ASXL2: variants seen among roughly 807,000 people sequenced by gnomAD.
ASXL2 encodes the protein putative Polycomb group protein ASXL2.
In ASXL2, 23 loss-of-function variants were observed where a neutral mutation model predicts 122.0. That is an observed-to-expected ratio of 0.19 (90% CI 0.14 to 0.27). The LOEUF is 0.27. ASXL2 is among the 10% of genes least tolerant of loss of function. ASXL2 has a pLI of 1.00. For synonymous variants in ASXL2, 650 were observed against 637.0 expected, an observed-to-expected ratio of 1.02 and a Z score of -0.31; for missense variants, 1,518 against 1,713.8, an observed-to-expected ratio of 0.89 and a Z score of 2.02.
At chr2:25,843,878 G>T in intron 2 of ASXL2, among the ~76,000 whole-genome samples, 1 of 150,470 alleles carries the variant, frequency 6.6e-6, no homozygotes, top group Non-Finnish European at 1.5e-5. Context: ...TCTAGAACAT[G>T]CAATGGCTAT....
At chr2:25,776,474 G>A (rs766744698) in intron 5 of ASXL2, among the ~76,000 whole-genome samples, 1 of 152,172 alleles carries the variant, frequency 6.6e-6, no homozygotes, top group Non-Finnish European at 1.5e-5. Flanking sequence ...ACATTTGTGT[G>A]CAGATGTTTT....
At chr2:25,868,525 C>G (rs1302474724) in intron 1 of ASXL2, among the ~76,000 whole-genome samples, 5 of 152,186 alleles carry the variant, frequency 3.3e-5, no homozygotes, top group African/African-American at 4.8e-5. Flanking sequence ...TACCGTTAAC[C>G]AATTTTAGTT....
chr2:25,819,704 A>C (rs549474601), intron 3 of ASXL2, among the ~76,000 whole-genome samples: 2 of 152,366 alleles, frequency 1.3e-5, no homozygotes, highest in Non-Finnish European at 2.9e-5. Context: ...ATTAAAGAAG[A>C]GTAAAGATAC....
chr2:25,748,226 C>T (rs183683848), intron 12 of ASXL2, among the ~76,000 whole-genome samples: 33 of 151,132 alleles, frequency 2.2e-4, no homozygotes, highest in African/African-American at 7.5e-4. Flanking sequence ...GAAGTACAGA[C>T]GGTGGCCCAC....
intron 3 of ASXL2, among the ~76,000 whole-genome samples, chr2:25,827,217 T>C (rs1267003753): frequency 6.6e-6 from 1 of 152,096 alleles, no homozygotes; most frequent in African/African-American, 2.4e-5. Flanking sequence ...CACTTAGACA[T>C]ATATCTGTAA....
chr2:25,823,721 TTTC>T (rs1214918804), intron 3 of ASXL2, among the ~76,000 whole-genome samples: 2 of 137,132 alleles, frequency 1.5e-5, no homozygotes, highest in African/African-American at 2.9e-5. Context: ...CAGTATTGGA[TTTC>T]TTTCTTTTTT....
chr2:25,744,403 G>C lies in ASXL2; in HGVS notation c.1934C>G (p.Ser645Cys), dbSNP rs1332018956. The C allele has an allele frequency of 6.2e-7, 1 of 1,613,804 alleles. No individual in the cohort carries two copies. Among genetic ancestry groups the C allele is most frequent in the South Asian group, 1.1e-5 (1 of 91,080 alleles). Residue 645 changes from serine (S) to cysteine (C), a missense_variant, in exon 13 of 13, where the codon TCC becomes TGC. Ser to Cys is a moderately radical substitution (Grantham distance 112). Around this residue, in one of 8 missense-constraint regions of ASXL2, gnomAD observed 292 missense variants for 293.5 expected, o/e 1.00. Coordinates refer to ENST00000435504, the MANE Select transcript of ASXL2 (RefSeq NM_018263.6). The surrounding 1 kb of genome is among the most constrained non-coding windows in gnomAD (Gnocchi z 4.7). Reference protein sequence around the residue: ...QVSPRARFPVSITSPNRTGAR... With the variant: ...QVSPRARFPVCITSPNRTGAR... ...TCCTGTTCTGTTAGGACTAGTGATG[G>C]AGACTGGAAAACGAGCCCTGGGAGA...
At chr2:25,829,868 C>T (rs1049454027) in intron 3 of ASXL2, among the ~76,000 whole-genome samples, 1 of 152,200 alleles carries the variant, frequency 6.6e-6, no homozygotes, top group African/African-American at 2.4e-5. Flanking sequence ...GAGACTACAA[C>T]ACCTCCCGCT....
chr2:25,741,868 T>C lies in ASXL2; in HGVS notation c.*161A>G, dbSNP rs2087832907. The C allele has an allele frequency of 1.5e-6, 1 of 684,614 alleles. No individual in the cohort carries two copies. The highest frequency in any genetic ancestry group is 3.0e-5 in the Admixed American group (1 of 33,618). 42.4% of individuals were successfully genotyped at this position (684,614 alleles called of 1,614,324 possible). On this transcript the variant is annotated 3_prime_UTR_variant, in exon 13 of 13. Transcript: ENST00000435504. ...TATACAAGGTGCTCTTCCTCTAAAA[T>C]GTAAAAAATCTGTACTTTGTATTCC... is the stretch of plus-strand genomic sequence containing the variant.
intron 2 of ASXL2, among the ~76,000 whole-genome samples, chr2:25,839,198 T>G (rs945673708): frequency 2.6e-5 from 4 of 152,258 alleles, no homozygotes; most frequent in African/African-American, 7.2e-5. Context: ...ACTGCCACAT[T>G]ATCATTGGTA....
At chr2:25,867,736 A>C (rs2089921540) in intron 1 of ASXL2, among the ~76,000 whole-genome samples, 1 of 152,192 alleles carries the variant, frequency 6.6e-6, no homozygotes, top group Non-Finnish European at 1.5e-5. Flanking sequence ...TTTGTCTTCC[A>C]TTATGCTACA....
chr2:25,766,319 T>G lies in ASXL2; in HGVS notation c.775+1264A>C, dbSNP rs562337920. Among the ~76,000 whole-genome samples the G allele has an allele frequency of 3.3e-4, 51 of 152,324 alleles. 1 individual carries two copies. The South Asian group carries it at 9.7e-3, about 29-fold the overall frequency. On this transcript the variant is annotated intron_variant, in intron 8 of 12. Coordinates refer to ENST00000435504, the MANE Select transcript of ASXL2 (RefSeq NM_018263.6). ...CTATTACACATTTTTAATCTGGAAT[T>G]CTGTGGCTTTTTATTCTAAATAATG...
intron 5 of ASXL2, among the ~76,000 whole-genome samples, chr2:25,773,976 G>A (rs2088504572): frequency 6.6e-6 from 1 of 151,996 alleles, no homozygotes; most frequent in Non-Finnish European, 1.5e-5. Flanking sequence ...GTTGCAGTAA[G>A]CTGAGATCAC....
At chr2:25,822,450 T>C in intron 3 of ASXL2, 2 of 355,672 alleles carry the variant, frequency 5.6e-6, no homozygotes, top group South Asian at 3.7e-5. Flanking sequence ...TGTTCGCCCG[T>C]CCCCCTGCCC....
At chr2:25,780,956 C>T (rs115318208) in intron 5 of ASXL2, among the ~76,000 whole-genome samples, 3,180 of 150,832 alleles carry the variant, frequency 0.021, 111 homozygotes, top group African/African-American at 0.07. Flanking sequence ...TGGTGGCGGA[C>T]GCCTGTAGTC....
At chr2:25,821,901 T>C (rs542953278) in intron 3 of ASXL2, among the ~76,000 whole-genome samples, 14 of 152,318 alleles carry the variant, frequency 9.2e-5, no homozygotes, top group African/African-American at 2.9e-4. Context: ...ATGGATTCAA[T>C]ATGGCACAAA....
At chr2:25,755,069 T>TA (rs750513421) in intron 10 of ASXL2, among the ~76,000 whole-genome samples, 8 of 152,238 alleles carry the variant, frequency 5.3e-5, no homozygotes, top group Non-Finnish European at 1.0e-4. Flanking sequence ...GTATATATTT[T>TA]AAAGTCTCTC....
chr2:25,759,241 C>A (rs2088195383), intron 9 of ASXL2, among the ~76,000 whole-genome samples: 1 of 152,178 alleles, frequency 6.6e-6, no homozygotes, highest in South Asian at 2.1e-4. Context: ...AGGTGTGAGC[C>A]ACCATGTCTG....
intron 5 of ASXL2, among the ~76,000 whole-genome samples, chr2:25,787,055 T>C (rs948208963): frequency 6.6e-6 from 1 of 151,978 alleles, no homozygotes; most frequent in Non-Finnish European, 1.5e-5. Flanking sequence ...CATAAAACTA[T>C]GTATAAACTA....
Sources: gnomAD v4.1 joint callset for allele counts (sites outside exome capture counted in the v4.1 genomes callset) on GRCh38, gnomAD v4.1.1 for gene constraint, gnomAD v4.1.1 regional missense constraint, Gnocchi (gnomAD v3.1) non-coding constraint, MANE v1.5 for transcripts, NCBI Gene and HGNC (gene_info 2026-07-23, HGNC 2026-07-21) for gene names.